The following WNK1 variants were observed in gnomAD, a reference collection of about 807,000 sequenced individuals.
WNK1 encodes the protein WNK lysine deficient protein kinase 1.
WNK1 carries 38 observed loss-of-function variants against 222.8 expected under a neutral mutation model. The observed-to-expected ratio is 0.17, with a 90% CI of 0.13 to 0.22. WNK1 has a LOEUF of 0.22. Ranked by LOEUF, WNK1 falls within the 10% of genes least tolerant of loss-of-function variation. The pLI, the probability that WNK1 is intolerant of heterozygous loss-of-function variation, is 1.00. For missense variants in WNK1, 2,348 were observed against 2,918.4 expected, an observed-to-expected ratio of 0.80 and a Z score of 4.50; for synonymous variants, 1,090 against 1,092.9, an observed-to-expected ratio of 1.00 and a Z score of 0.05.
chr12:900,356 T>G, intron 25 of WNK1, 120 bp from the exon 26 acceptor site: 1 of 1,048,966 alleles, frequency 9.5e-7, no homozygotes, highest in South Asian at 1.3e-5. Context: ...CTCATCAGTT[T>G]GTAGCTTTTG....
At chr12:785,415 C>A (rs796378115) in intron 1 of WNK1, among the ~76,000 whole-genome samples, 1 of 142,520 alleles carries the variant, frequency 7.0e-6, no homozygotes. Context: ...CCCCCACCCC[C>A]TCGAAGTGGA....
chr12:754,368 A>T, intron 1 of WNK1, 44 bp downstream of exon 1: 1 of 1,612,518 alleles, frequency 6.2e-7, no homozygotes, highest in Non-Finnish European at 8.5e-7. Flanking sequence ...TGGATCCCAA[A>T]TTTGGCTCGG....
chr12:778,783 A>T (rs999190002), intron 1 of WNK1, among the ~76,000 whole-genome samples: 6 of 152,162 alleles, frequency 3.9e-5, no homozygotes, highest in African/African-American at 1.4e-4. Flanking sequence ...AACGAATTTT[A>T]AATTCTTAGT....
chr12:900,437 G>A (rs758734042), intron 25 of WNK1, 39 bp from the exon 26 acceptor site: 4 of 1,609,330 alleles, frequency 2.5e-6, no homozygotes, highest in Non-Finnish European at 1.7e-6. Flanking sequence ...CATGGGAAGA[G>A]CTGGACATGT....
At chr12:775,499 C>G (rs1164641167) in intron 1 of WNK1, among the ~76,000 whole-genome samples, 1 of 151,964 alleles carries the variant, frequency 6.6e-6, no homozygotes, top group Non-Finnish European at 1.5e-5. Context: ...CACTTAAGGC[C>G]AAGAATTTGA....
At chr12:875,425 A>G (rs577925435) in intron 9 of WNK1, among the ~76,000 whole-genome samples, 4 of 151,278 alleles carry the variant, frequency 2.6e-5, no homozygotes, top group South Asian at 4.1e-4. Context: ...ATGTGCCTGC[A>G]AAGACTTCAG....
intron 1 of WNK1, among the ~76,000 whole-genome samples, chr12:781,598 C>G (rs1300116608): frequency 6.6e-6 from 1 of 152,044 alleles, no homozygotes; most frequent in African/African-American, 2.4e-5. Flanking sequence ...ATTAAATGAT[C>G]TGTTTTATTT....
chr12:793,441 A>G (rs1375997649), intron 1 of WNK1, among the ~76,000 whole-genome samples: 1 of 152,214 alleles, frequency 6.6e-6, no homozygotes, highest in Non-Finnish European at 1.5e-5. Flanking sequence ...GGTCAAAAAT[A>G]ATGATAGTAT....
intron 2 of WNK1, among the ~76,000 whole-genome samples, chr12:815,094 G>T (rs1037921384): frequency 2.0e-5 from 3 of 152,190 alleles, no homozygotes; most frequent in African/African-American, 7.2e-5. Context: ...TGTAAATACA[G>T]ATGAAGCTTT....
At chr12:798,323 C>T (rs1945528873) in intron 1 of WNK1, among the ~76,000 whole-genome samples, 1 of 152,058 alleles carries the variant, frequency 6.6e-6, no homozygotes, top group African/African-American at 2.4e-5. Flanking sequence ...TCCTGAATAG[C>T]TGGGACTACA....
At position 754,297 on chromosome 12, in the gene WNK1, C is replaced by G; in HGVS notation, c.732C>G (p.Thr244=). Residue 244 remains threonine (T), a synonymous_variant, in exon 1 of 28, where the codon ACC becomes ACG. Transcript: ENST00000315939. ...TVYKGLDTET[T]VEVAWCELQD... ...ACAAAGGTCTGGACACTGAAACCACCGTGGAAGTCGCCTGGTGTGAACTGC... is the reference window on the plus strand; with the variant it reads ...ACAAAGGTCTGGACACTGAAACCACGGTGGAAGTCGCCTGGTGTGAACTGC... The G allele has an allele frequency of 6.2e-7, 1 of 1,613,520 alleles. No individual in the cohort carries two copies.
At chr12:844,960 A>T (rs1591979648) in intron 4 of WNK1, among the ~76,000 whole-genome samples, 1 of 117,550 alleles carries the variant, frequency 8.5e-6, no homozygotes, top group African/African-American at 3.4e-5. Flanking sequence ...CAGTGGCGGG[A>T]TCTCGGCTCA....
chr12:850,643 C>A, intron 4 of WNK1, among the ~76,000 whole-genome samples: 1 of 152,126 alleles, frequency 6.6e-6, no homozygotes, highest in Non-Finnish European at 1.5e-5. Context: ...AAGTCCTTAC[C>A]CATGCCTATG....
In WNK1 at chr12:910,203, A is replaced by AAAC. The variant is rs922428916; in HGVS notation, c.*1412_*1414dup. The AAAC allele has an allele frequency of 1.3e-5, 2 of 152,212 alleles. No individual in the cohort carries two copies. The highest frequency in any genetic ancestry group is 2.4e-5 in the African/African-American group (1 of 41,450). The allele number at this position is 152,212 out of a possible 1,614,324, so 9.4% of individuals were successfully genotyped here. A position where few individuals can be genotyped will look rare whatever the true frequency, so the allele number is the denominator to read the frequency against. ...CAGATGGAGAAAATTGCTCTCAGAA[A>AAAC]AACTGTTTGGATTGCTTTCCTCTTG... On this transcript the variant is annotated 3_prime_UTR_variant, in exon 28 of 28. Coordinates refer to ENST00000315939, the MANE Select transcript of WNK1 (RefSeq NM_018979.4).
At position 823,900 on chromosome 12, in the gene WNK1, CTTTT is replaced by C. The variant is rs10543848; in HGVS notation, c.933-3124_933-3121del. Among the ~76,000 whole-genome samples, 313 of 101,378 alleles carry C rather than the reference CTTTT, an allele frequency of 3.1e-3. 2 individuals carry two copies. The highest frequency in any genetic ancestry group is 9.9e-3 in the African/African-American group (263 of 26,574). 66.5% of individuals were successfully genotyped at this position (101,378 alleles called of 152,430 possible). On this transcript the variant is annotated intron_variant, in intron 2 of 27. Coordinates refer to ENST00000315939, the MANE Select transcript of WNK1 (RefSeq NM_018979.4). ...GAAGTGCTTGATATATCAGAGACAT[CTTTT>C]TTTTTTTTTTTTTTTTTGGAGATGG...
chr12:791,250 C>A (rs962161329), intron 1 of WNK1, among the ~76,000 whole-genome samples: 1 of 151,760 alleles, frequency 6.6e-6, no homozygotes, highest in Non-Finnish European at 1.5e-5. Flanking sequence ...CACACACACA[C>A]ACACACATAC....
chr12:875,909 C>A (rs1248150588), intron 9 of WNK1, among the ~76,000 whole-genome samples: 5 of 152,072 alleles, frequency 3.3e-5, no homozygotes, highest in African/African-American at 7.2e-5. Flanking sequence ...CATTCACATT[C>A]CTTAAAGTTT....
At chr12:846,350 T>G (rs773055012) in intron 4 of WNK1, among the ~76,000 whole-genome samples, 8 of 152,224 alleles carry the variant, frequency 5.3e-5, no homozygotes, top group Non-Finnish European at 8.8e-5. Context: ...ACCACTTTGG[T>G]GTGCTTTTAA....
chr12:798,324 T>A (rs1182344616), intron 1 of WNK1, among the ~76,000 whole-genome samples: 1 of 152,054 alleles, frequency 6.6e-6, no homozygotes, highest in Non-Finnish European at 1.5e-5. Flanking sequence ...CCTGAATAGC[T>A]GGGACTACAG....
Sources: gnomAD v4.1 joint callset for allele counts (sites outside exome capture counted in the v4.1 genomes callset) on GRCh38, gnomAD v4.1.1 for gene constraint, MANE v1.5 for transcripts, NCBI Gene and HGNC (gene_info 2026-07-23, HGNC 2026-07-21) for gene names.